Variants in PDE1C observed in about 807,000 individuals in gnomAD.
The protein encoded by PDE1C is phosphodiesterase 1C, also known as dual specificity calcium/calmodulin-dependent 3',5'-cyclic nucleotide phosphodiesterase 1C.
In PDE1C, 62 loss-of-function variants were observed where a neutral mutation model predicts 93.1. That is an observed-to-expected ratio of 0.67 (90% CI 0.54 to 0.82). The LOEUF (loss-of-function observed/expected upper bound fraction) is 0.82. PDE1C is among the 40% of genes least tolerant of loss of function. The pLI is 0.00. For missense variants in PDE1C, 742 were observed against 884.6 expected (o/e 0.84, Z 2.04); for synonymous variants, 325 against 310.1 (o/e 1.05, Z -0.50).
intron 1 of PDE1C, among the ~76,000 whole-genome samples, chr7:32,235,179 TATTCCCAATAAGGGA>T (rs61644441): frequency 0.076 from 11,591 of 151,912 alleles, 562 homozygotes; most frequent in East Asian, 0.13. Context: ...TGTTTTCCCT[TATTCCCAATAAGGGA>T]ATTCCCAATA....
chr7:32,117,626 G>A (rs1462529559), intron 3 of PDE1C, among the ~76,000 whole-genome samples: 1 of 152,132 alleles, frequency 6.6e-6, no homozygotes, highest in Admixed American at 6.5e-5. Context: ...TGCATACCAG[G>A]ATCTACATTA....
chr7:32,231,956 T>TACACACACACACAC (rs1491530109), intron 1 of PDE1C, among the ~76,000 whole-genome samples: 6 of 126,744 alleles, frequency 4.7e-5, no homozygotes, highest in Non-Finnish European at 3.6e-5. Flanking sequence ...TAAATATGTG[T>TACACACACACACAC]ATACACACAC....
rs573469352 is a variant in PDE1C at position 31,964,425 on chromosome 7, G to T, written c.129-83565C>A. 3.1e-3 allele frequency among the ~76,000 whole-genome samples: 475 copies of T among 152,342 alleles called. 3 individuals carry two copies. The highest frequency in any genetic ancestry group is 0.011 in the African/African-American group (447 of 41,580). On this transcript the variant is annotated intron_variant, in intron 2 of 17. Transcript: ENST00000396191. ...GGCTGGGGGAGGGGCGCCTGCCATT[G>T]CTGAGGCTTGAGTAGGTAAACAAAG...
the PDE1C span, among the ~76,000 whole-genome samples, chr7:31,622,926 C>G: frequency 6.6e-6 from 1 of 152,140 alleles, no homozygotes; most frequent in Non-Finnish European, 1.5e-5. Flanking sequence ...AAGGGGATAT[C>G]ACCACCAATC....
chr7:31,711,211 CTTATAA>C, the PDE1C span, among the ~76,000 whole-genome samples: 24 of 152,242 alleles, frequency 1.6e-4, no homozygotes, highest in African/African-American at 5.5e-4. Flanking sequence ...TCCTCGTGTT[CTTATAA>C]TTATGTTAGG....
chr7:31,728,694 T>C, the PDE1C span, among the ~76,000 whole-genome samples: 1 of 152,134 alleles, frequency 6.6e-6, no homozygotes, highest in South Asian at 2.1e-4. Flanking sequence ...GTCATGCAAA[T>C]ATTGACAGCC....
intron 2 of PDE1C, among the ~76,000 whole-genome samples, chr7:31,969,893 C>T (rs1810661551): frequency 1.3e-5 from 2 of 151,522 alleles, no homozygotes; most frequent in South Asian, 2.1e-4. Flanking sequence ...ATCGCAAGGA[C>T]AAAAAACCAA....
In PDE1C at chr7:31,949,915, T is replaced by C. The variant is rs530038714; in HGVS notation, c.129-69055A>G. On this transcript the variant is annotated intron_variant, in intron 2 of 17. Transcript: ENST00000396191. ...GTTTACTTTCTTCGTAGATTTTCTTTTTTTCTGATTAGCTGGTTTTCTTAT... is the reference window on the plus strand; with the variant it reads ...GTTTACTTTCTTCGTAGATTTTCTTCTTTTCTGATTAGCTGGTTTTCTTAT... Among the ~76,000 whole-genome samples the C allele has an allele frequency of 5.8e-4, 88 of 152,324 alleles. 1 individual carries two copies. The highest frequency in any genetic ancestry group is 2.0e-3 in the African/African-American group (85 of 41,580).
chr7:32,041,440 G>C (rs923013435), intron 2 of PDE1C, among the ~76,000 whole-genome samples: 1 of 151,952 alleles, frequency 6.6e-6, no homozygotes, highest in South Asian at 2.1e-4. Flanking sequence ...CCCTCTCCTC[G>C]ACATCCCAAA....
chr7:32,338,422 A>C (rs1783672704), intron 1 of PDE1C, among the ~76,000 whole-genome samples: 1 of 152,374 alleles, frequency 6.6e-6, no homozygotes, highest in Admixed American at 6.5e-5. Context: ...CCAATAAGAT[A>C]TCACTACACA....
In PDE1C at chr7:32,376,735, T is replaced by C. The variant is rs546768982; in HGVS notation, c.310+51087A>G. 1.6e-4 allele frequency among the ~76,000 whole-genome samples: 24 copies of C among 152,274 alleles called. No homozygotes were observed. In the South Asian group the frequency reaches 3.5e-3, roughly 22 times the overall value. On this transcript the variant is annotated intron_variant, in intron 1 of 1. Coordinates refer to the PDE1C transcript ENST00000672256. ...CCAAGTCTCACTCTGTCGTCCAGGC[T>C]GGAGGGCAGTGGCGCCATCTCGGCT... is the stretch of plus-strand genomic sequence containing the variant.
intron 2 of PDE1C, among the ~76,000 whole-genome samples, chr7:32,028,811 GATTTTGTAACCTCTAACCATCAATTCCCC>G (rs1403516109): frequency 6.6e-6 from 1 of 151,964 alleles, no homozygotes; most frequent in African/African-American, 2.4e-5. Flanking sequence ...GTGTAACTGA[GATTTTGTAACCTCTAACCATCAATTCCCC>G]ATTCCTTCCC....
intron 1 of PDE1C, among the ~76,000 whole-genome samples, chr7:32,315,718 C>T (rs898781613): frequency 1.2e-4 from 19 of 152,210 alleles, no homozygotes; most frequent in African/African-American, 2.2e-4. Context: ...ATATTTTGGC[C>T]GGCGTGGTGG....
chr7:32,278,736 T>G (rs951748558), intron 1 of PDE1C, among the ~76,000 whole-genome samples: 1 of 152,202 alleles, frequency 6.6e-6, no homozygotes, highest in Non-Finnish European at 1.5e-5. Flanking sequence ...TTCATGTATC[T>G]GCCATGTTGA....
At chr7:31,930,138 A>G (rs1178029354) in intron 2 of PDE1C, among the ~76,000 whole-genome samples, 1 of 152,240 alleles carries the variant, frequency 6.6e-6, no homozygotes, top group East Asian at 1.9e-4. Context: ...AAACACCTCT[A>G]CACAAATCAA....
At chr7:32,243,444 G>A (rs1011920556) in intron 1 of PDE1C, among the ~76,000 whole-genome samples, 1 of 152,134 alleles carries the variant, frequency 6.6e-6, no homozygotes, top group Non-Finnish European at 1.5e-5. Flanking sequence ...ATTATCTGTG[G>A]TTTTCAATTA....
At chr7:32,023,301 A>G (rs542262544) in intron 2 of PDE1C, among the ~76,000 whole-genome samples, 3 of 152,266 alleles carry the variant, frequency 2.0e-5, no homozygotes, top group African/African-American at 7.2e-5. Context: ...TTGGTTAAAG[A>G]TCATACTTGC....
chr7:31,756,917 C>T (rs912274648), intron 17 of PDE1C, among the ~76,000 whole-genome samples: 5 of 152,226 alleles, frequency 3.3e-5, no homozygotes, highest in East Asian at 1.9e-4. Context: ...GCAGGACACA[C>T]GGTGGATCTG....
intron 1 of PDE1C, among the ~76,000 whole-genome samples, chr7:32,213,306 CA>C (rs1806189373): frequency 1.3e-5 from 2 of 152,182 alleles, no homozygotes; most frequent in Admixed American, 6.5e-5. Flanking sequence ...CCCCGTCCCA[CA>C]TGACAGCCAT....
Sources: gnomAD v4.1 joint callset for allele counts (sites outside exome capture counted in the v4.1 genomes callset) on GRCh38, gnomAD v4.1.1 for gene constraint, MANE v1.5 for transcripts, NCBI Gene and HGNC (gene_info 2026-07-23, HGNC 2026-07-21) for gene names.